The following KANTR variants were observed in gnomAD, a reference collection of about 807,000 sequenced individuals.
KANTR encodes the protein KDM5C adjacent transcript.
intron 1 of KANTR, among the ~76,000 whole-genome samples, chrX:53,098,247 G>A (rs1222511714): frequency 3.6e-5 from 4 of 110,768 alleles, no homozygotes; most frequent in African/African-American, 1.3e-4. Flanking sequence ...AGTCTATTAA[G>A]TGTACAATAG....
chrX:53,113,200 G>A (rs893023552), intron 2 of KANTR: 2 of 216,711 alleles, frequency 9.2e-6, no homozygotes, highest in Admixed American at 5.0e-5. Context: ...CCTTATCAAC[G>A]TTCTTCATGG....
At chrX:53,108,604 G>C (rs1556813238) in intron 2 of KANTR, among the ~76,000 whole-genome samples, 1 of 111,711 alleles carries the variant, frequency 9.0e-6, no homozygotes, top group Non-Finnish European at 1.9e-5. Flanking sequence ...TTGTTTATTA[G>C]TTCAAATAGT....
chrX:53,130,428 G>A (rs1556816905), downstream of KANTR, among the ~76,000 whole-genome samples: 1 of 103,099 alleles, frequency 9.7e-6, no homozygotes, highest in Non-Finnish European at 2.0e-5. Context: ...CCCAGAGCTG[G>A]TCAAGTCACT....
At chrX:53,130,254 C>T (rs188480947), downstream of KANTR, among the ~76,000 whole-genome samples, 3 of 112,468 alleles carry the variant, frequency 2.7e-5, no homozygotes, top group South Asian at 7.3e-4. Flanking sequence ...AAAGGCACCA[C>T]AGATAACACA....
At chrX:53,115,388 G>A (rs904268171) in intron 2 of KANTR, among the ~76,000 whole-genome samples, 7 of 112,429 alleles carry the variant, frequency 6.2e-5, no homozygotes, top group East Asian at 2.8e-4. Context: ...ACCTGGGGCC[G>A]GGGGGGCCAG....
exon 3 of KANTR, chrX:53,142,083 C>T (rs1933510174): frequency 7.9e-6 from 1 of 126,844 alleles, no homozygotes; most frequent in African/African-American, 3.2e-5. Context: ...GCTGACCACG[C>T]ATACTCACCA....
intron 2 of KANTR, among the ~76,000 whole-genome samples, chrX:53,110,037 GAGCCACTGCACGC>G (rs1556813479): frequency 8.9e-6 from 1 of 112,345 alleles, no homozygotes; most frequent in Non-Finnish European, 1.9e-5. Flanking sequence ...TTACAGGCAT[GAGCCACTGCACGC>G]AGGCTTGTTC....
chrX:53,101,885 G>A (rs1556811924), intron 2 of KANTR, among the ~76,000 whole-genome samples: 1 of 110,483 alleles, frequency 9.1e-6, no homozygotes. Context: ...GCTAGTCCCA[G>A]CTACTCAGGG....
At chrX:53,102,737 T>C (rs1027935858) in intron 2 of KANTR, among the ~76,000 whole-genome samples, 22 of 111,749 alleles carry the variant, frequency 2.0e-4, no homozygotes, top group African/African-American at 7.2e-4. Context: ...TACCACTCTG[T>C]ATCATCATAT....
chrX:53,127,274 C>T (rs1556816306), exon 3 of KANTR: 1 of 112,099 alleles, frequency 8.9e-6, no homozygotes, highest in African/African-American at 3.2e-5. Context: ...CTGATCACCA[C>T]CTGGTATATT....
At chrX:53,108,205 A>ATT (rs782550643) in intron 2 of KANTR, among the ~76,000 whole-genome samples, 2 of 70,304 alleles carry the variant, frequency 2.8e-5, no homozygotes, top group African/African-American at 5.3e-5. Context: ...TTTTTTCTTA[A>ATT]TTTTTTTTTT....
chrX:53,106,903 A>G (rs1932960166), intron 2 of KANTR, among the ~76,000 whole-genome samples: 1 of 110,420 alleles, frequency 9.1e-6, no homozygotes, highest in African/African-American at 3.4e-5. Flanking sequence ...GGATCACTTT[A>G]GCCCAGGAGT....
At chrX:53,144,266 G>A (rs375347321), downstream of KANTR, among the ~76,000 whole-genome samples, 35 of 110,979 alleles carry the variant, frequency 3.2e-4, no homozygotes, top group South Asian at 2.3e-3. Flanking sequence ...ATGGTGGTGC[G>A]TGCCTGTAGT....
chrX:53,112,054 G>T (rs1329596064), intron 2 of KANTR, among the ~76,000 whole-genome samples: 1 of 110,531 alleles, frequency 9.0e-6, no homozygotes, highest in Non-Finnish European at 1.9e-5. Flanking sequence ...TGAATTCTGA[G>T]ATTTTGGTGT....
At chrX:53,111,400 C>T (rs1556813762) in intron 2 of KANTR, among the ~76,000 whole-genome samples, 1 of 111,163 alleles carries the variant, frequency 9.0e-6, no homozygotes, top group East Asian at 2.8e-4. Context: ...CACTTTGGCT[C>T]CACCCCCTCA....
chrX:53,105,505 T>A (rs1932937830), intron 2 of KANTR, among the ~76,000 whole-genome samples: 1 of 109,839 alleles, frequency 9.1e-6, no homozygotes, highest in African/African-American at 3.3e-5. Context: ...TTTTTTTTTT[T>A]TGGAGACGGA....
At chrX:53,127,668 C>T (rs58624065), downstream of KANTR, among the ~76,000 whole-genome samples, 1,424 of 111,647 alleles carry the variant, frequency 0.013, 20 homozygotes, top group African/African-American at 0.044. Flanking sequence ...ACTGGCTGTA[C>T]GCCCTAGGGC....
intron 2 of KANTR, among the ~76,000 whole-genome samples, chrX:53,134,241 AAT>A (rs1933393594): frequency 9.0e-6 from 1 of 110,778 alleles, no homozygotes; most frequent in Non-Finnish European, 1.9e-5. Flanking sequence ...ATGTGCCTGT[AAT>A]GTCAGCTGCT....
chrX:53,117,235 C>T (rs1387204338), intron 2 of KANTR, among the ~76,000 whole-genome samples: 1 of 111,494 alleles, frequency 9.0e-6, no homozygotes, highest in Non-Finnish European at 1.9e-5. Flanking sequence ...GCCAAGGTCA[C>T]GCCACTGCAC....
Sources: allele counts gnomAD v4.1 joint callset (sites outside exome capture counted in the v4.1 genomes callset), GRCh38; gene constraint gnomAD v4.1.1; transcripts MANE v1.5; gene names NCBI Gene and HGNC (gene_info 2026-07-23, HGNC 2026-07-21).